The following AKAP17A variants were observed in gnomAD, a reference collection of about 807,000 sequenced individuals.
AKAP17A encodes the protein A-kinase anchor protein 17A.
In AKAP17A, 15 loss-of-function variants were observed where a neutral mutation model predicts 52.2. The ratio of observed to expected loss-of-function variants is 0.29; its 90% CI spans 0.19 to 0.44. The LOEUF (loss-of-function observed/expected upper bound fraction) is 0.44, where lower values mean the gene tolerates loss of function less well. Ranked by LOEUF, AKAP17A falls within the 20% of genes least tolerant of loss-of-function variation. The pLI is 1.00. For missense variants in AKAP17A, 1,060 were observed against 1,007.0 expected (o/e 1.05, Z -0.71); for synonymous variants, 514 against 424.7 (o/e 1.21, Z -2.58).
At chrX:1,594,395 T>C (rs1932900139) in intron 2 of AKAP17A, among the ~76,000 whole-genome samples, 171 bp downstream of exon 2, 1 of 151,828 alleles carries the variant, frequency 6.6e-6, no homozygotes. Context: ...AGGCGTGAGG[T>C]GGAGTAGGGG....
rs1197916013 is a variant in AKAP17A at position 1,600,643 on chromosome X, T to C, written c.1153-16T>C. On this transcript the variant is annotated splice_polypyrimidine_tract_variant and intron_variant, in intron 4 of 4. Transcript: ENST00000313871. ...CTCAGGAACCGGGCTCAGCTGCACTTTCCTCTTCCCCGCAGGCTGTGAAGC... is the reference window on the plus strand; with the variant it reads ...CTCAGGAACCGGGCTCAGCTGCACTCTCCTCTTCCCCGCAGGCTGTGAAGC... 1.5e-5 allele frequency: 23 copies of C among 1,523,384 alleles called. No homozygotes were observed. Among genetic ancestry groups the C allele is most frequent in the Non-Finnish European group, 1.9e-5 (22 of 1,134,120 alleles). 94.4% of individuals were successfully genotyped at this position (1,523,384 alleles called of 1,614,324 possible). A position where few individuals can be genotyped will look rare whatever the true frequency, so the allele number is the denominator to read the frequency against.
rs746413709 is a variant in AKAP17A at position 1,599,252 on chromosome X, G to A, written c.972G>A (p.Lys324=). 15 of 1,612,644 alleles carry A rather than the reference G, an allele frequency of 9.3e-6. No homozygotes were observed. Among genetic ancestry groups the A allele is most frequent in the Non-Finnish European group, 1.3e-5 (15 of 1,179,832 alleles). ...GGAAAAGAGAAGAGAAGCTTCGCAA[G>A]AGGGAGCAGAAGCAGAGGGACCGTG... ...RERKREEKLR[K]REQKQRDREL... The change falls in exon 4 of 5, where the codon AAG becomes AAA. Residue 324 remains lysine, a synonymous_variant. Transcript: ENST00000313871.
intron 3 of AKAP17A, 101 bp from the exon 4 acceptor site, chrX:1,599,091 G>A: frequency 1.3e-6 from 2 of 1,516,364 alleles, no homozygotes; most frequent in Non-Finnish European, 1.8e-6. Context: ...CTTAATCGTT[G>A]GACCGTGGCC....
intron 3 of AKAP17A, among the ~76,000 whole-genome samples, chrX:1,595,758 C>T (rs1932945094): frequency 6.6e-6 from 1 of 151,938 alleles, no homozygotes; most frequent in Non-Finnish European, 1.5e-5. Flanking sequence ...CATCTGTGTG[C>T]ACGTGTGCCT....
chrX:1,599,431 A>G lies in AKAP17A; in HGVS notation c.1151A>G (p.Lys384Arg), dbSNP rs780821816. ...RLIAELLSRAKAVKLREQEQK... is the reference protein window; with the variant it reads ...RLIAELLSRARAVKLREQEQK... ...ATCGCCGAGCTGCTCAGCAGAGCCAAGGTACCCGGGGGCTCCCTCTGCAGC... is the reference window on the plus strand; with the variant it reads ...ATCGCCGAGCTGCTCAGCAGAGCCAGGGTACCCGGGGGCTCCCTCTGCAGC... The change falls in exon 4 of 5, where the codon AAG becomes AGG. Residue 384 changes from lysine to arginine, a missense_variant and splice_region_variant. By Grantham distance (26) the Lys-to-Arg change is conservative (BLOSUM62 2). Transcript: ENST00000313871. 5 of 1,560,662 alleles carry G rather than the reference A, an allele frequency of 3.2e-6. No individual in the cohort carries two copies. The highest frequency in any genetic ancestry group is 3.5e-6 in the Non-Finnish European group (4 of 1,153,566).
In AKAP17A at chrX:1,601,162, C is replaced by G. The variant is rs757065828; in HGVS notation, c.1656C>G (p.Asp552Glu). 25 of 1,613,734 alleles carry G rather than the reference C, an allele frequency of 1.5e-5. No homozygotes were observed. Among genetic ancestry groups the G allele is most frequent in the Non-Finnish European group, 2.0e-5 (24 of 1,179,756 alleles). The part of the protein sequence containing the change: ...CPGGVLSCIP[D>E]NNQQPKGIPA... ...GCGGCGTCCTCTCCTGCATTCCTGA[C>G]AACAACCAACAGCCCAAGGGCATCC... Residue 552 changes from aspartate (D) to glutamate (E), a missense_variant, in exon 5 of 5, where the codon GAC (aspartate) becomes GAG (glutamate). Asp to Glu is a conservative substitution (Grantham distance 45, BLOSUM62 2). Around this residue, in one of 2 missense-constraint regions of AKAP17A, gnomAD observed 793 missense variants for 629.9 expected, o/e 1.26. Transcript: ENST00000313871.
intron 4 of AKAP17A, chrX:1,599,983 C>T (rs370865022): frequency 2.4e-5 from 11 of 466,172 alleles, no homozygotes; most frequent in Middle Eastern, 5.7e-4. Context: ...CTCCTGCAGG[C>T]GCGACTGGTA....
chrX:1,591,971 C>T (rs1932845270), intron 1 of AKAP17A, among the ~76,000 whole-genome samples: 1 of 133,062 alleles, frequency 7.5e-6, no homozygotes, highest in Non-Finnish European at 1.6e-5. Flanking sequence ...CTGGGGAGGT[C>T]TGCGGTCGGG....
In AKAP17A at chrX:1,594,231, C is replaced by T. The variant is rs765227964; in HGVS notation, c.762+7C>T. 6.6e-7 allele frequency: 1 copy of T among 1,514,342 alleles called. No individual in the cohort carries two copies. Among genetic ancestry groups the T allele is most frequent in the Non-Finnish European group, 8.8e-7 (1 of 1,132,214 alleles). 93.8% of individuals were successfully genotyped at this position (1,514,342 alleles called of 1,614,324 possible). On this transcript the variant is annotated splice_region_variant and intron_variant, in intron 2 of 4. Transcript: ENST00000313871. ...CGTGGCCTGCAACATCAAGGTGAGT[C>T]CTGGGCACCGAGAGAGCCACGCGCT...
chrX:1,600,904 C>G lies in AKAP17A; in HGVS notation c.1398C>G (p.Pro466=). Residue 466 remains proline, a synonymous_variant, in exon 5 of 5, where the codon CCC becomes CCG. Coordinates refer to ENST00000313871, the MANE Select transcript of AKAP17A (RefSeq NM_005088.3). ...TGGCACACGCCGACCTGCTGCAGCCCGTCCTGGACATCCTGCAGACCGTGT... is the reference window on the plus strand; with the variant it reads ...TGGCACACGCCGACCTGCTGCAGCCGGTCCTGGACATCCTGCAGACCGTGT... ...LGVAHADLLQ[P]VLDILQTVSS... 2.5e-6 allele frequency: 4 copies of G among 1,575,794 alleles called. No homozygotes were observed. The highest frequency in any genetic ancestry group is 3.4e-6 in the Non-Finnish European group (4 of 1,164,736).
Position 1,595,520 on chromosome X carries a change from G to T in AKAP17A, c.899G>T (p.Arg300Leu), listed in dbSNP as rs751058421. Reference protein sequence around the residue: ...RREKEAEERQRAEERKQKELE... With the variant: ...RREKEAEERQLAEERKQKELE... ...GAGAAGGAAGCGGAGGAGAGGCAGC[G>T]AGCGGAGGAAAGGTACCTTCTGCGG... Residue 300 changes from arginine to leucine, a missense_variant, in exon 3 of 5, where the codon CGA becomes CTA. Arg to Leu is a moderately radical substitution (Grantham distance 102). This residue lies in a region of AKAP17A where 793 missense variants were observed against 629.9 expected (regional missense o/e 1.26). Transcript: ENST00000313871. The T allele has an allele frequency of 6.2e-7, 1 of 1,613,894 alleles. No individual in the cohort carries two copies.
intron 2 of AKAP17A, 116 bp from the exon 3 acceptor site, chrX:1,595,268 T>C: frequency 7.4e-7 from 1 of 1,342,698 alleles, no homozygotes; most frequent in Non-Finnish European, 1.0e-6. Context: ...CGGTGAGCGG[T>C]GAGCGGGCGC....
rs763077609 is a variant in AKAP17A at position 1,600,371 on chromosome X, C to T, written c.1153-288C>T. 6.5e-5 allele frequency: 42 copies of T among 644,478 alleles called. No individual in the cohort carries two copies. In the Admixed American group the frequency reaches 6.8e-4, roughly 10 times the overall value. 39.9% of individuals were successfully genotyped at this position (644,478 alleles called of 1,614,324 possible). ...TGGTGGGGCTCCCGGCAGGGCTCGG[C>T]TCTGCCCAAGAGGCCCGCCCTGGGG... On this transcript the variant is annotated intron_variant, in intron 4 of 4. Coordinates refer to ENST00000313871, the MANE Select transcript of AKAP17A (RefSeq NM_005088.3).
rs769057597 is a variant in AKAP17A at position 1,595,556 on chromosome X, T to G, written c.911+24T>G. The G allele has an allele frequency of 9.3e-6, 15 of 1,612,894 alleles. No individual in the cohort carries two copies. In the South Asian group the frequency reaches 1.5e-4, roughly 17 times the overall value. ...AGGTACCTTCTGCGGGAGCGGGCCC[T>G]CGGCGCTGGTGTCCGGCACCTGGGA... On this transcript the variant is annotated intron_variant, in intron 3 of 4. Coordinates refer to ENST00000313871, the MANE Select transcript of AKAP17A (RefSeq NM_005088.3).
Position 1,594,165 on chromosome X carries a change from C to T in AKAP17A, c.703C>T (p.Arg235Cys), listed in dbSNP as rs1386200914. The change falls in exon 2 of 5, where the codon CGC becomes TGC. Residue 235 changes from arginine to cysteine, a missense_variant. This residue lies in a region of AKAP17A where 267 missense variants were observed against 377.1 expected (regional missense o/e 0.71). Coordinates refer to ENST00000313871, the MANE Select transcript of AKAP17A (RefSeq NM_005088.3). ...CTTCATCCAGGCCATGAGCGCCCTG[C>T]GCGGGATGAAACTCATGTACAAGGG... ...MGFIQAMSAL[R>C]GMKLMYKGED... The T allele has an allele frequency of 3.1e-6, 5 of 1,598,570 alleles. No individual in the cohort carries two copies. Among genetic ancestry groups the T allele is most frequent in the Non-Finnish European group, 4.3e-6 (5 of 1,170,782 alleles).
intron 2 of AKAP17A, among the ~76,000 whole-genome samples, chrX:1,594,709 C>T (rs1932908039): frequency 6.6e-6 from 1 of 151,938 alleles, no homozygotes; most frequent in African/African-American, 2.4e-5. Flanking sequence ...TCCTCCGCCT[C>T]CTGGGTTCGA....
intron 2 of AKAP17A, among the ~76,000 whole-genome samples, chrX:1,594,626 A>AT (rs1226382036): frequency 4.8e-5 from 7 of 146,790 alleles, no homozygotes; most frequent in Admixed American, 6.8e-5. Context: ...TTTTATTTTT[A>AT]TTTTTTTTTC....
intron 4 of AKAP17A, chrX:1,600,173 G>A: frequency 3.1e-6 from 4 of 1,306,106 alleles, no homozygotes; most frequent in East Asian, 5.3e-5. Flanking sequence ...ATGACAAGAG[G>A]CTGAGACATG....
chrX:1,599,095 C>G, intron 3 of AKAP17A, 97 bp from the exon 4 acceptor site: 2 of 1,526,914 alleles, frequency 1.3e-6, no homozygotes, highest in South Asian at 1.3e-5. Context: ...ATCGTTGGAC[C>G]GTGGCCTGTT....
Sources: allele counts gnomAD v4.1 joint callset (sites outside exome capture counted in the v4.1 genomes callset), GRCh38; gene constraint gnomAD v4.1.1; regional missense constraint gnomAD v4.1.1; transcripts MANE v1.5; gene names NCBI Gene and HGNC (gene_info 2026-07-23, HGNC 2026-07-21).